NPHP3: variants seen among roughly 807,000 people sequenced by gnomAD.
NPHP3 encodes nephrocystin-3.
NPHP3 carries 123 observed loss-of-function variants against 171.9 expected under a neutral mutation model. The ratio of observed to expected loss-of-function variants is 0.72; its 90% CI spans 0.62 to 0.83. NPHP3 has a LOEUF of 0.83. NPHP3 is among the 40% of genes least tolerant of loss of function. The probability of loss-of-function intolerance (pLI) is 0.00; values close to 1 mark genes in which losing one functional copy is unlikely to be tolerated. For synonymous variants in NPHP3, 558 were observed against 579.2 expected, an observed-to-expected ratio of 0.96 and a Z score of 0.52; for missense variants, 1,506 against 1,591.9, an observed-to-expected ratio of 0.95 and a Z score of 0.92.
chr3:132,719,351 T>G (rs1940140622), intron 2 of NPHP3, among the ~76,000 whole-genome samples: 1 of 152,178 alleles, frequency 6.6e-6, no homozygotes, highest in Admixed American at 6.5e-5. Flanking sequence ...GTGTCTGTGG[T>G]GTGGGTCTGT....
At chr3:132,714,563 A>G (rs546704947) in intron 5 of NPHP3, among the ~76,000 whole-genome samples, 1 of 147,866 alleles carries the variant, frequency 6.8e-6, no homozygotes, top group Non-Finnish European at 1.5e-5. Context: ...GCAAAAAAAA[A>G]AAATAAATAA....
intron 1 of NPHP3, among the ~76,000 whole-genome samples, chr3:132,721,119 T>C (rs933299624): frequency 6.6e-6 from 1 of 151,912 alleles, no homozygotes; most frequent in Non-Finnish European, 1.5e-5. Flanking sequence ...GGTTTCACCA[T>C]GTTGGCCAGG....
chr3:132,684,419 G>T, intron 24 of NPHP3, 135 bp downstream of exon 24: 1 of 808,936 alleles, frequency 1.2e-6, no homozygotes, highest in Non-Finnish European at 2.0e-6. Flanking sequence ...TCAGTTACTT[G>T]TTAAAAGTTA....
intron 13 of NPHP3, among the ~76,000 whole-genome samples, chr3:132,698,489 T>C (rs200090327): frequency 1.3e-5 from 2 of 150,968 alleles, no homozygotes; most frequent in East Asian, 3.9e-4. Flanking sequence ...GTTGGCCAGG[T>C]TGGTCTTGAA....
intron 14 of NPHP3, 129 bp downstream of exon 14, chr3:132,697,131 A>G: frequency 1.3e-6 from 1 of 750,972 alleles, no homozygotes. Flanking sequence ...CAATACATTT[A>G]CCAAAGTAAT....
rs752325118 is a variant in NPHP3, at chr3:132,682,061, G to A, written c.3842C>T (p.Ala1281Val). The change falls in exon 27 of 27, where the codon GCT (alanine) becomes GTT (valine). Residue 1281 changes from alanine to valine, a missense_variant. By Grantham distance (64) the Ala-to-Val change is moderately conservative. Transcript: ENST00000337331. The stretch of plus-strand genomic sequence containing the variant: ...TTCCATTGCCCTTTTGTATAATTCA[G>A]CAGCTTTTTCAAAATCTCCTCCTTC... ...SYEGGDFEKA[A>V]ELYKRAMEIK... is the part of the protein sequence containing the mutation. 1 of 1,613,994 alleles carries A rather than the reference G, an allele frequency of 6.2e-7. No homozygotes were observed. The highest frequency in any genetic ancestry group is 8.5e-7 in the Non-Finnish European group (1 of 1,179,948).
At position 132,716,797 on chromosome 3, in the gene NPHP3, A is replaced by C. The variant is rs752050701; in HGVS notation, c.783T>G (p.Ser261Arg). The part of the protein sequence containing the change: ...QSFRGPEFAH[S>R]SIDVEGPFAN... ...CAAAGGGTCCTTCCACATCTATAGA[A>C]CTATGGGCAAACTCAGGGCCTCTGA... is the stretch of plus-strand genomic sequence containing the variant. Residue 261 changes from serine (S) to arginine (R), a missense_variant, in exon 4 of 27, where the codon AGT becomes AGG. Coordinates refer to ENST00000337331, the MANE Select transcript of NPHP3 (RefSeq NM_153240.5). 1.3e-5 allele frequency: 21 copies of C among 1,614,092 alleles called. No homozygotes were observed. The East Asian group carries it at 4.7e-4, about 36-fold the overall frequency.
At chr3:132,714,735 A>G (rs940988464) in intron 5 of NPHP3, among the ~76,000 whole-genome samples, 1 of 152,300 alleles carries the variant, frequency 6.6e-6, no homozygotes, top group East Asian at 1.9e-4. Context: ...TCTCAAAACA[A>G]GCAAACAAAC....
In NPHP3 at chr3:132,705,768, TAA is replaced by T. The variant is rs1326277864; in HGVS notation, c.1320_1321del (p.Ile442LeufsTer7). On this transcript the variant is annotated frameshift_variant, in exon 8 of 27. Coordinates refer to ENST00000337331, the MANE Select transcript of NPHP3 (RefSeq NM_153240.5). LOFTEE classifies it high-confidence loss of function. ...TTTAATAATCTTTTCTACACAAATA[TAA>T]GTTTTATATACTCCTTCTGCAGGAT... The T allele has an allele frequency of 6.7e-7, 1 of 1,485,140 alleles. No homozygotes were observed. The highest frequency in any genetic ancestry group is 9.4e-7 in the Non-Finnish European group (1 of 1,064,214). The allele number at this position is 1,485,140 out of a possible 1,614,324, so 92.0% of individuals were successfully genotyped here.
chr3:132,715,976 G>A lies in NPHP3; in HGVS notation c.824-758C>T, dbSNP rs540299183. On this transcript the variant is annotated intron_variant, in intron 4 of 26. Transcript: ENST00000337331. ...CATGTGGTGTTTGCATATAAATTAC[G>A]CACATCCTCCCATATTCTTTAAATC... is the stretch of plus-strand genomic sequence containing the variant. 1.0e-3 allele frequency among the ~76,000 whole-genome samples: 157 copies of A among 151,984 alleles called. 1 individual carries two copies. Among genetic ancestry groups the A allele is most frequent in the Admixed American group, 5.4e-3 (82 of 15,280 alleles).
Position 132,699,353 on chromosome 3 carries a change from C to G in NPHP3, c.1985G>C (p.Arg662Thr), listed in dbSNP as rs1168416144. 1.9e-6 allele frequency: 3 copies of G among 1,603,580 alleles called. No individual in the cohort carries two copies. Among genetic ancestry groups the G allele is most frequent in the African/African-American group, 1.3e-5 (1 of 74,860 alleles). ...VNVETCPPAW[R>T]LWPTLHLDPL... ...GAAAGAACTAAAGTTGGCATCGTAC[C>G]TCCATGCTGGAGGGCATGTTTCTAC... The change falls in exon 13 of 27, where the codon AGG (arginine) becomes ACG (threonine). Residue 662 changes from arginine (R) to threonine (T), a missense_variant and splice_region_variant. By Grantham distance (71) the Arg-to-Thr change is moderately conservative. Coordinates refer to ENST00000337331, the MANE Select transcript of NPHP3 (RefSeq NM_153240.5).
intron 15 of NPHP3, 42 bp downstream of exon 15, chr3:132,696,689 C>A (rs1190520677): frequency 5.1e-6 from 8 of 1,567,106 alleles, no homozygotes; most frequent in Non-Finnish European, 7.0e-6. Context: ...CTGCAGCAAA[C>A]ACAAAACATG....
At chr3:132,704,953 C>T (rs1450379584) in intron 8 of NPHP3, among the ~76,000 whole-genome samples, 1 of 152,098 alleles carries the variant, frequency 6.6e-6, no homozygotes, top group Non-Finnish European at 1.5e-5. Flanking sequence ...CTAGAGAGCA[C>T]CATACAAAAT....
At chr3:132,718,308 C>G (rs1358439239) in intron 3 of NPHP3, among the ~76,000 whole-genome samples, 1 of 152,160 alleles carries the variant, frequency 6.6e-6, no homozygotes, top group Non-Finnish European at 1.5e-5. Flanking sequence ...TATGTAAACC[C>G]TTTCACTCTG....
At position 132,688,888 on chromosome 3, in the gene NPHP3, T is replaced by C. The variant is rs1939229270; in HGVS notation, c.2887A>G (p.Ile963Val). The part of the protein sequence containing the change: ...LKDLGLLSQA[I>V]VPLQRSLEIR... ...TCTAAAGACCTCTGCAAAGGTACTA[T>C]GGCCTGGGGGGAAAAGGGGTGAAAG... The change falls in exon 21 of 27, where the codon ATA becomes GTA. Residue 963 changes from isoleucine to valine, a missense_variant. Transcript: ENST00000337331. 3.1e-6 allele frequency: 5 copies of C among 1,613,974 alleles called. No homozygotes were observed. The highest frequency in any genetic ancestry group is 2.7e-5 in the African/African-American group (2 of 74,914).
intron 22 of NPHP3, 53 bp downstream of exon 22, chr3:132,687,098 A>G (rs978231303): frequency 6.7e-6 from 6 of 897,168 alleles, no homozygotes; most frequent in Non-Finnish European, 1.1e-5. Context: ...TGCATTTATG[A>G]TGCTCTTTTC....
At chr3:132,704,134 A>G in intron 9 of NPHP3, 64 bp downstream of exon 9, 2 of 1,447,176 alleles carry the variant, frequency 1.4e-6, no homozygotes, top group Non-Finnish European at 1.9e-6. Context: ...AGATGAAAAT[A>G]CAATCATAAT....
chr3:132,701,318 TTGTTAA>T (rs1939600035), intron 10 of NPHP3, 106 bp downstream of exon 10: 1 of 720,688 alleles, frequency 1.4e-6, no homozygotes, highest in Non-Finnish European at 2.5e-6. Context: ...CCTTTTTACT[TTGTTAA>T]TGTTTAGTGT....
chr3:132,680,770 T>C lies in NPHP3; in HGVS notation c.*1140A>G, dbSNP rs1207179383. 6.6e-6 allele frequency: 1 copy of C among 152,142 alleles called. No homozygotes were observed. The highest frequency in any genetic ancestry group is 6.5e-5 in the Admixed American group (1 of 15,272). The allele number at this position is 152,142 out of a possible 1,614,324, so 9.4% of individuals were successfully genotyped here. On this transcript the variant is annotated 3_prime_UTR_variant, in exon 27 of 27. Transcript: ENST00000337331. Reference sequence around the variant, plus strand: ...AAACAATATCTAAAATGTTGCAATATTTATAAAATCCATAAAAATATTTAA... The same window carrying C: ...AAACAATATCTAAAATGTTGCAATACTTATAAAATCCATAAAAATATTTAA...
Sources: allele counts gnomAD v4.1 joint callset (sites outside exome capture counted in the v4.1 genomes callset), GRCh38; gene constraint gnomAD v4.1.1; transcripts MANE v1.5; gene names NCBI Gene and HGNC (gene_info 2026-07-23, HGNC 2026-07-21).